The following ASCC1 variants were observed in gnomAD, a reference collection of about 807,000 sequenced individuals.
ASCC1 encodes the protein ASC-1 complex subunit P50.
In ASCC1, 35 loss-of-function variants were observed where a neutral mutation model predicts 46.6. That is an observed-to-expected ratio of 0.75 (90% CI 0.57 to 0.99). The LOEUF (loss-of-function observed/expected upper bound fraction) is 0.99, where lower values mean the gene tolerates loss of function less well. ASCC1 is among the 50% of genes least tolerant of loss of function. The pLI is 0.00. For missense variants in ASCC1, 376 were observed against 428.7 expected, an observed-to-expected ratio of 0.88 and a Z score of 1.09; for synonymous variants, 143 against 146.6, an observed-to-expected ratio of 0.98 and a Z score of 0.18.
chr10:72,189,324 C>T (rs12269440), intron 5 of ASCC1, among the ~76,000 whole-genome samples: 21,483 of 151,534 alleles, frequency 0.14, 4,350 homozygotes, highest in African/African-American at 0.45. Flanking sequence ...AGGAGAATGG[C>T]GCAAACCTGG....
rs200638313 is a variant in ASCC1 at position 72,205,290 on chromosome 10, C to A, written c.213-1766G>T. ...TTCAAGACCAGCCTGGCCAACATGG[C>A]GAAACCCTGTCTCTACCAAAAATAC... On this transcript the variant is annotated intron_variant, in intron 3 of 9. Coordinates refer to ENST00000672957, the MANE Select transcript of ASCC1 (RefSeq NM_001198800.3). 2.2e-4 allele frequency among the ~76,000 whole-genome samples: 33 copies of A among 151,478 alleles called. No homozygotes were observed. In the East Asian group the frequency reaches 6.2e-3, roughly 29 times the overall value.
Position 72,103,140 on chromosome 10 carries a change from C to CT in ASCC1, c.958-5691dup, listed in dbSNP as rs554220050. On this transcript the variant is annotated intron_variant, in intron 9 of 9. Coordinates refer to ENST00000672957, the MANE Select transcript of ASCC1 (RefSeq NM_001198800.3). ...GAAATAGATACTATGTTTTTTTTTC[C>CT]TTTTTTTTTTGAGACAGAGTCTTGC... Among the ~76,000 whole-genome samples the CT allele has an allele frequency of 1.7e-3, 249 of 147,432 alleles. 1 individual carries two copies. Among genetic ancestry groups the CT allele is most frequent in the African/African-American group, 4.7e-3 (190 of 40,150 alleles).
At chr10:72,097,548 C>A (rs760253293) in intron 9 of ASCC1, 98 bp from the exon 10 acceptor site, 18 of 726,940 alleles carry the variant, frequency 2.5e-5, no homozygotes, top group Non-Finnish European at 3.6e-5. Context: ...CCACAACAAT[C>A]CCAACAAATC....
intron 9 of ASCC1, among the ~76,000 whole-genome samples, chr10:72,110,370 G>T (rs1344441585): frequency 6.6e-6 from 1 of 152,194 alleles, no homozygotes; most frequent in Non-Finnish European, 1.5e-5. Flanking sequence ...TGGGAGGCTG[G>T]GCACAAAGTG....
At chr10:72,124,633 G>T (rs1373397684) in intron 9 of ASCC1, among the ~76,000 whole-genome samples, 1 of 152,074 alleles carries the variant, frequency 6.6e-6, no homozygotes, top group Non-Finnish European at 1.5e-5. Context: ...AGCTAGTGAG[G>T]GAGCATTTAC....
Position 72,216,204 on chromosome 10 carries a change from T to C in ASCC1, c.-34+3A>G, listed in dbSNP as rs757902333. ...AAAAGGGAGTTAACCCCCAGGATCC[T>C]ACCTGCAGGGACTAGAAAAATGGAG... On this transcript the variant is annotated splice_donor_region_variant and intron_variant, in intron 1 of 9. Coordinates refer to ENST00000672957, the MANE Select transcript of ASCC1 (RefSeq NM_001198800.3). The C allele has an allele frequency of 2.6e-5, 4 of 155,134 alleles. No individual in the cohort carries two copies. Among genetic ancestry groups the C allele is most frequent in the Non-Finnish European group, 4.3e-5 (3 of 69,892 alleles). The allele number at this position is 155,134 out of a possible 1,614,324, so 9.6% of individuals were successfully genotyped here.
chr10:72,172,197 C>T (rs968793217), intron 5 of ASCC1, among the ~76,000 whole-genome samples: 5 of 151,678 alleles, frequency 3.3e-5, no homozygotes, highest in African/African-American at 4.8e-5. Flanking sequence ...GGGCGGATCA[C>T]GAGGTCAGGA....
At chr10:72,175,270 T>C (rs551989172) in intron 5 of ASCC1, among the ~76,000 whole-genome samples, 2 of 152,304 alleles carry the variant, frequency 1.3e-5, no homozygotes, top group East Asian at 1.9e-4. Flanking sequence ...GCTCTGCAGA[T>C]GAAACACATA....
In ASCC1 at chr10:72,213,279, T is replaced by A. The variant is rs1187106518; in HGVS notation, c.20A>T (p.Gln7Leu). 6.2e-7 allele frequency: 1 copy of A among 1,613,450 alleles called. No homozygotes were observed. The highest frequency in any genetic ancestry group is 1.3e-5 in the African/African-American group (1 of 74,920). MEVLRP[Q>L]LIRIDGRNYR... ...ATTCCGGCCATCAATTCTTATAAGC[T>A]GTGGACGCAGAACTTCCATGACACT... The change falls in exon 2 of 10, where the codon CAG (glutamine) becomes CTG (leucine). Residue 7 changes from glutamine (Q) to leucine (L), a missense_variant. Gln to Leu is a moderately radical substitution (Grantham distance 113, BLOSUM62 -2). Coordinates refer to ENST00000672957, the MANE Select transcript of ASCC1 (RefSeq NM_001198800.3).
chr10:72,202,731 G>C (rs189078889), intron 4 of ASCC1, among the ~76,000 whole-genome samples: 51 of 152,152 alleles, frequency 3.4e-4, no homozygotes, highest in African/African-American at 1.1e-3. Context: ...AAAAAATTGA[G>C]AGCACAATGG....
In ASCC1 at chr10:72,196,970, T is replaced by C; in HGVS notation, c.330A>G (p.Arg110=). 6.2e-7 allele frequency: 1 copy of C among 1,613,624 alleles called. No homozygotes were observed. The highest frequency in any genetic ancestry group is 8.5e-7 in the Non-Finnish European group (1 of 1,180,008). Residue 110 remains arginine, a synonymous_variant, in exon 5 of 10, where the codon CGA becomes CGG. Coordinates refer to ENST00000672957, the MANE Select transcript of ASCC1 (RefSeq NM_001198800.3). Reference sequence around the variant, plus strand: ...GTGTTCGGGCTGAAATTACACCATTTCGATGCTGGCCAGTGATTACTGTAA... The same window carrying C: ...GTGTTCGGGCTGAAATTACACCATTCCGATGCTGGCCAGTGATTACTGTAA... ...DGEIVITGQH[R]NGVISARTRI... is the part of the protein sequence containing the mutation.
At position 72,097,226 on chromosome 10, in the gene ASCC1, A is replaced by G. The variant is rs3312; in HGVS notation, c.*108T>C. ...GTGAATCTATGGGGAACCACCCAGG[A>G]AAGTCACCATCCAAATGTCCACATC... is the stretch of plus-strand genomic sequence containing the variant. On this transcript the variant is annotated 3_prime_UTR_variant, in exon 10 of 10. Coordinates refer to ENST00000672957, the MANE Select transcript of ASCC1 (RefSeq NM_001198800.3). 379,943 of 816,300 alleles carry G rather than the reference A, an allele frequency of 0.47. 91,140 individuals are homozygous for G. The highest frequency in any genetic ancestry group is 0.62 in the African/African-American group (37,108 of 59,452). The allele number at this position is 816,300 out of a possible 1,614,324, so 50.6% of individuals were successfully genotyped here. A position where few individuals can be genotyped will look rare whatever the true frequency, so the allele number is the denominator to read the frequency against.
At chr10:72,130,276 G>C (rs1351401085) in intron 8 of ASCC1, among the ~76,000 whole-genome samples, 1 of 151,938 alleles carries the variant, frequency 6.6e-6, no homozygotes, top group African/African-American at 2.4e-5. Flanking sequence ...TTCATTTTAG[G>C]GTGATGAAAA....
In ASCC1 at chr10:72,157,373, C is replaced by T. The variant is rs1025596165; in HGVS notation, c.626+4165G>A. Among the ~76,000 whole-genome samples, 12 of 152,164 alleles carry T rather than the reference C, an allele frequency of 7.9e-5. No individual in the cohort carries two copies. In the South Asian group the frequency reaches 1.0e-3, roughly 13 times the overall value. On this transcript the variant is annotated intron_variant, in intron 6 of 9. Transcript: ENST00000672957. Reference sequence around the variant, plus strand: ...AGTTTCACACTAAATACACATCCTCCGACATTTTTAAAGCTCTCACCCTGC... The same window carrying T: ...AGTTTCACACTAAATACACATCCTCTGACATTTTTAAAGCTCTCACCCTGC...
chr10:72,208,533 G>T (rs1857555567), intron 3 of ASCC1, among the ~76,000 whole-genome samples: 1 of 152,144 alleles, frequency 6.6e-6, no homozygotes, highest in South Asian at 2.1e-4. Flanking sequence ...GCCGAGGCAG[G>T]TGGATCACCT....
rs371023206 is a variant in ASCC1 at position 72,152,022 on chromosome 10, C to T, written c.746+847G>A. Reference sequence around the variant, plus strand: ...TTTTTTTTTTTTTGAGACAGGGTCTCGCTCTGTCACCCAGGCTGGAGTGCA... The same window carrying T: ...TTTTTTTTTTTTTGAGACAGGGTCTTGCTCTGTCACCCAGGCTGGAGTGCA... On this transcript the variant is annotated intron_variant, in intron 7 of 9. Transcript: ENST00000672957. 4.2e-5 allele frequency among the ~76,000 whole-genome samples: 6 copies of T among 142,004 alleles called. No homozygotes were observed. In the South Asian group the frequency reaches 1.1e-3, roughly 27 times the overall value. The allele number at this position is 142,004 out of a possible 152,430, so 93.2% of individuals were successfully genotyped here.
chr10:72,160,984 G>A (rs867382322), intron 6 of ASCC1, among the ~76,000 whole-genome samples: 16 of 152,044 alleles, frequency 1.1e-4, no homozygotes, highest in Middle Eastern at 6.8e-3. Context: ...TCAGGAGGCT[G>A]AGGCAGGAGA....
intron 5 of ASCC1, among the ~76,000 whole-genome samples, chr10:72,169,842 G>A (rs1850831543): frequency 4.6e-5 from 7 of 152,150 alleles, no homozygotes; most frequent in South Asian, 2.1e-4. Flanking sequence ...ACACAAGGCC[G>A]GGCGTGGTGG....
chr10:72,098,037 C>G (rs920148077), intron 9 of ASCC1, among the ~76,000 whole-genome samples: 2 of 152,222 alleles, frequency 1.3e-5, no homozygotes, highest in African/African-American at 2.4e-5. Context: ...AGAACAAGTA[C>G]AAGTGATTAC....
Sources: allele counts gnomAD v4.1 joint callset (sites outside exome capture counted in the v4.1 genomes callset), GRCh38; gene constraint gnomAD v4.1.1; transcripts MANE v1.5; gene names NCBI Gene and HGNC (gene_info 2026-07-23, HGNC 2026-07-21).